Variants in CCBE1 observed in about 807,000 individuals in gnomAD.
CCBE1 encodes collagen and calcium-binding EGF domain-containing protein 1.
CCBE1 carries 37 observed loss-of-function variants against 50.0 expected under a neutral mutation model. That is an observed-to-expected ratio of 0.74 (90% confidence interval 0.57 to 0.97). CCBE1 has a LOEUF of 0.97. Ranked by LOEUF, CCBE1 falls within the 50% of genes least tolerant of loss-of-function variation. The pLI is 0.00. For missense variants in CCBE1, 538 were observed against 523.8 expected (o/e 1.03, Z -0.26); for synonymous variants, 234 against 203.7 (o/e 1.15, Z -1.27).
In CCBE1 at chr18:59,653,495, C is replaced by T. The variant is rs545587472; in HGVS notation, c.212+43134G>A. Among the ~76,000 whole-genome samples, 19 of 152,316 alleles carry T rather than the reference C, an allele frequency of 1.2e-4. No individual in the cohort carries two copies. The South Asian group carries it at 3.5e-3, about 28-fold the overall frequency. On this transcript the variant is annotated intron_variant, in intron 2 of 10. Coordinates refer to ENST00000439986, the MANE Select transcript of CCBE1 (RefSeq NM_133459.4). ...GCTATTTGGAATACTCACCCTGTGC[C>T]AAACAGGACTGTGTGCTTTTCACAT...
chr18:59,621,788 T>C (rs2053713563), intron 2 of CCBE1, among the ~76,000 whole-genome samples: 1 of 152,234 alleles, frequency 6.6e-6, no homozygotes, highest in Non-Finnish European at 1.5e-5. Flanking sequence ...TAGTCTTTTC[T>C]TTCAGTCTAT....
chr18:59,678,897 A>T (rs1454782936), intron 2 of CCBE1, among the ~76,000 whole-genome samples: 3 of 152,342 alleles, frequency 2.0e-5, no homozygotes, highest in East Asian at 3.9e-4. Context: ...CTACAAAAAA[A>T]ATAGTCAAAG....
chr18:59,616,798 G>A (rs1291771699), intron 2 of CCBE1, among the ~76,000 whole-genome samples: 1 of 152,228 alleles, frequency 6.6e-6, no homozygotes, highest in African/African-American at 2.4e-5. Flanking sequence ...GTGGTAAATG[G>A]ACTGCCAGAT....
intron 2 of CCBE1, among the ~76,000 whole-genome samples, chr18:59,683,533 T>C (rs2054619159): frequency 6.6e-6 from 1 of 151,800 alleles, no homozygotes; most frequent in South Asian, 2.1e-4. Context: ...GCATTTCCAC[T>C]AAAAATACAA....
At chr18:59,623,151 T>C (rs2053734869) in intron 2 of CCBE1, among the ~76,000 whole-genome samples, 2 of 152,216 alleles carry the variant, frequency 1.3e-5, no homozygotes, top group Admixed American at 1.3e-4. Context: ...GGGAAATCAC[T>C]ATTTCTTCCA....
chr18:59,676,342 G>A (rs1208728939), intron 2 of CCBE1, among the ~76,000 whole-genome samples: 1 of 152,172 alleles, frequency 6.6e-6, no homozygotes, highest in Non-Finnish European at 1.5e-5. Flanking sequence ...AAGCTGAGCA[G>A]CAAGTGCCCA....
At chr18:59,517,186 G>A (rs1447658922) in intron 2 of CCBE1, among the ~76,000 whole-genome samples, 1 of 152,162 alleles carries the variant, frequency 6.6e-6, no homozygotes, top group Admixed American at 6.5e-5. Context: ...TTTGAAAAAT[G>A]GGTGTAGACA....
chr18:59,617,720 T>C (rs573472868), intron 2 of CCBE1, among the ~76,000 whole-genome samples: 1 of 152,308 alleles, frequency 6.6e-6, no homozygotes, highest in East Asian at 1.9e-4. Context: ...GATTGTAGGC[T>C]TGTAAAGCAT....
intron 7 of CCBE1, 136 bp downstream of exon 7, chr18:59,447,847 G>A (rs773804928): frequency 5.3e-6 from 7 of 1,316,856 alleles, no homozygotes; most frequent in East Asian, 4.6e-5. Flanking sequence ...GCATGGGTGT[G>A]TGGCAGTCCC....
chr18:59,608,814 C>A (rs74960425), intron 2 of CCBE1, among the ~76,000 whole-genome samples: 1 of 152,340 alleles, frequency 6.6e-6, no homozygotes, highest in Admixed American at 6.5e-5. Context: ...TTCCTCAAAT[C>A]TACACATTAG....
Position 59,674,035 on chromosome 18 carries a change from A to T in CCBE1, c.212+22594T>A, listed in dbSNP as rs140634592. Among the ~76,000 whole-genome samples the T allele has an allele frequency of 9.7e-4, 148 of 152,076 alleles. 2 individuals are homozygous for T. In the South Asian group the frequency reaches 0.021, roughly 22 times the overall value. On this transcript the variant is annotated intron_variant, in intron 2 of 10. Coordinates refer to ENST00000439986, the MANE Select transcript of CCBE1 (RefSeq NM_133459.4). ...AGGAATGGTACCAGCTCCTCTTTGT[A>T]CCTCTGGTAGAATTCAGCTATGAAT...
At chr18:59,470,517 G>A (rs1304602247) in intron 3 of CCBE1, among the ~76,000 whole-genome samples, 1 of 152,174 alleles carries the variant, frequency 6.6e-6, no homozygotes, top group African/African-American at 2.4e-5. Context: ...CTGGGGGGTT[G>A]ATCTCTCATG....
At chr18:59,633,054 G>A (rs1381508454) in intron 2 of CCBE1, among the ~76,000 whole-genome samples, 1 of 152,154 alleles carries the variant, frequency 6.6e-6, no homozygotes, top group East Asian at 1.9e-4. Flanking sequence ...TTAGTAAGAG[G>A]GGACAATCCA....
chr18:59,435,388 G>GA lies in CCBE1; in HGVS notation c.*519dup, dbSNP rs35018840. The GA allele has an allele frequency of 0.063, 10,345 of 164,214 alleles. 409 individuals carry two copies. The highest frequency in any genetic ancestry group is 0.17 in the Middle Eastern group (53 of 308). The allele number at this position is 164,214 out of a possible 1,614,324, so 10.2% of individuals were successfully genotyped here. ...ATTTAAAGTCTACTAGAAGCACAAGGAAAAAATTCTCCACCAAAGCACATC... is the reference window on the plus strand; with the variant it reads ...ATTTAAAGTCTACTAGAAGCACAAGGAAAAAAATTCTCCACCAAAGCACATC... On this transcript the variant is annotated 3_prime_UTR_variant, in exon 11 of 11. Coordinates refer to ENST00000439986, the MANE Select transcript of CCBE1 (RefSeq NM_133459.4).
At chr18:59,437,801 A>C (rs1910227325) in intron 10 of CCBE1, among the ~76,000 whole-genome samples, 1 of 152,222 alleles carries the variant, frequency 6.6e-6, no homozygotes, top group Non-Finnish European at 1.5e-5. Flanking sequence ...AGACCTTTCA[A>C]ATGTTTTATG....
At chr18:59,601,010 GT>G (rs71177045) in intron 2 of CCBE1, among the ~76,000 whole-genome samples, 8 of 58,010 alleles carry the variant, frequency 1.4e-4, no homozygotes, top group African/African-American at 3.8e-4. Flanking sequence ...CTATGTGTCA[GT>G]TTTTTTTTTT....
chr18:59,664,601 C>T (rs1343889509), intron 2 of CCBE1, among the ~76,000 whole-genome samples: 6 of 152,174 alleles, frequency 3.9e-5, no homozygotes, highest in Non-Finnish European at 8.8e-5. Context: ...CATGTCCACT[C>T]GTAGCCCTTT....
At chr18:59,619,683 T>G (rs1448933957) in intron 2 of CCBE1, among the ~76,000 whole-genome samples, 1 of 152,246 alleles carries the variant, frequency 6.6e-6, no homozygotes, top group Non-Finnish European at 1.5e-5. Context: ...CTGGTCAGAC[T>G]GGTCACATCT....
chr18:59,448,225 G>T, intron 6 of CCBE1, 122 bp from the exon 7 acceptor site: 1 of 1,371,540 alleles, frequency 7.3e-7, no homozygotes, highest in Non-Finnish European at 1.0e-6. Context: ...TTTTACTAGA[G>T]CTAGTTAGAG....
Sources: allele counts gnomAD v4.1 joint callset (sites outside exome capture counted in the v4.1 genomes callset), GRCh38; gene constraint gnomAD v4.1.1; transcripts MANE v1.5; gene names NCBI Gene and HGNC (gene_info 2026-07-23, HGNC 2026-07-21).